The following DCDC2 variants were observed in gnomAD, a reference collection of about 807,000 sequenced individuals.
DCDC2 encodes the protein doublecortin domain containing 2, also known as doublecortin domain-containing protein 2.
A neutral mutation model predicts 50.2 loss-of-function variants in DCDC2; 40 were observed. That is an observed-to-expected ratio of 0.80 (90% CI 0.62 to 1.04). DCDC2 has a LOEUF of 1.04. DCDC2 is among the 50% of genes least tolerant of loss of function. The pLI, the probability that DCDC2 is intolerant of heterozygous loss-of-function variation, is 0.00. For missense variants in DCDC2, 570 were observed against 581.9 expected, an observed-to-expected ratio of 0.98 and a Z score of 0.21; for synonymous variants, 234 against 210.6, an observed-to-expected ratio of 1.11 and a Z score of -0.96.
intron 7 of DCDC2, among the ~76,000 whole-genome samples, chr6:24,257,684 G>A (rs959225250): frequency 8.2e-5 from 12 of 147,194 alleles, no homozygotes; most frequent in Non-Finnish European, 1.5e-4. Flanking sequence ...TGTGGAAGAC[G>A]CCTGAAGTTG....
chr6:24,359,430 TATATATACTATATAG>T (rs1760612083), upstream of DCDC2, among the ~76,000 whole-genome samples: 1 of 31,468 alleles, frequency 3.2e-5, no homozygotes, highest in South Asian at 8.8e-4. Context: ...TATATATATT[TATATATACTATATAG>T]TATATATATT....
At position 24,216,601 on chromosome 6, in the gene DCDC2, G is replaced by A. The variant is rs567753338; in HGVS notation, c.923-11499C>T. On this transcript the variant is annotated intron_variant, in intron 7 of 9. Coordinates refer to ENST00000378454, the MANE Select transcript of DCDC2 (RefSeq NM_016356.5). The stretch of plus-strand genomic sequence containing the variant: ...CATAGTCTTGTCAACCTAATTCAGA[G>A]GCCTGAGGCCATCAAGACAGTCAGG... Among the ~76,000 whole-genome samples the A allele has an allele frequency of 4.6e-5, 7 of 152,360 alleles. No individual in the cohort carries two copies. The East Asian group carries it at 7.7e-4, about 17-fold the overall frequency.
rs760375899 is a variant in DCDC2, at chr6:24,278,125, GTCT to G, written c.843_845del (p.Glu281del). ...ATTTCGTCAGTTTTTCTGAATTCAC[GTCT>G]TCTTTTTTCCCTTTCCTCTTCAGGG... On this transcript the variant is annotated inframe_deletion, in exon 7 of 10. Coordinates refer to ENST00000378454, the MANE Select transcript of DCDC2 (RefSeq NM_016356.5). 50 of 1,613,372 alleles carry G rather than the reference GTCT, an allele frequency of 3.1e-5. No individual in the cohort carries two copies. Among genetic ancestry groups the G allele is most frequent in the South Asian group, 2.3e-4 (21 of 91,010 alleles).
At chr6:24,260,482 C>T (rs1762985574) in intron 7 of DCDC2, among the ~76,000 whole-genome samples, 1 of 152,172 alleles carries the variant, frequency 6.6e-6, no homozygotes, top group African/African-American at 2.4e-5. Flanking sequence ...ATTATAACCT[C>T]AGGGTGAATG....
At chr6:24,337,211 AAAAT>A (rs1012574802) in intron 2 of DCDC2, among the ~76,000 whole-genome samples, 95 of 152,308 alleles carry the variant, frequency 6.2e-4, no homozygotes, top group Admixed American at 5.8e-3. Context: ...AAGTACAATA[AAAAT>A]AAATAAATAA....
At chr6:24,295,481 CA>C (rs1763841686) in intron 4 of DCDC2, among the ~76,000 whole-genome samples, 1 of 152,180 alleles carries the variant, frequency 6.6e-6, no homozygotes, top group Middle Eastern at 3.4e-3. Flanking sequence ...AGTCATCAGG[CA>C]AGACAAAGAA....
chr6:24,261,935 A>T (rs1763020505), intron 7 of DCDC2, among the ~76,000 whole-genome samples: 1 of 152,140 alleles, frequency 6.6e-6, no homozygotes, highest in Non-Finnish European at 1.5e-5. Flanking sequence ...GACCAAATAA[A>T]ACCCTCCAGC....
intron 7 of DCDC2, among the ~76,000 whole-genome samples, chr6:24,238,819 T>C (rs1762507222): frequency 6.6e-6 from 1 of 152,084 alleles, no homozygotes; most frequent in African/African-American, 2.4e-5. Context: ...GGGTGAAGAT[T>C]ACAGGGAATA....
At chr6:24,353,132 G>A (rs990146282) in intron 2 of DCDC2, 24 of 325,566 alleles carry the variant, frequency 7.4e-5, no homozygotes, top group Admixed American at 7.1e-4. Flanking sequence ...AGTGTCCAAC[G>A]TGACATCTAC....
intron 7 of DCDC2, among the ~76,000 whole-genome samples, chr6:24,274,643 G>C (rs1015701090): frequency 2.2e-4 from 26 of 118,932 alleles, no homozygotes; most frequent in Admixed American, 1.1e-3. Flanking sequence ...GAAAAGAAAA[G>C]AAAAAAGGAA....
chr6:24,358,067 A>T (rs746549747), upstream of DCDC2: 202 of 920,490 alleles, frequency 2.2e-4, no homozygotes, highest in Non-Finnish European at 3.1e-4. Context: ...TCTGAGCAGG[A>T]GCCGGAAACG....
chr6:24,257,984 T>G (rs1242321330), intron 7 of DCDC2, among the ~76,000 whole-genome samples: 1 of 151,964 alleles, frequency 6.6e-6, no homozygotes, highest in Non-Finnish European at 1.5e-5. Flanking sequence ...GACTCTAAAG[T>G]TAACTGGATT....
At chr6:24,373,815 A>G in the DCDC2 span, among the ~76,000 whole-genome samples, 1 of 152,212 alleles carries the variant, frequency 6.6e-6, no homozygotes, top group Non-Finnish European at 1.5e-5. Context: ...CAAAAAGAAG[A>G]TGAATAAGCT....
chr6:24,197,594 C>A (rs111611082), intron 8 of DCDC2, among the ~76,000 whole-genome samples: 1 of 152,142 alleles, frequency 6.6e-6, no homozygotes, highest in Non-Finnish European at 1.5e-5. Flanking sequence ...TATAGCTAAT[C>A]CTGGATAATA....
chr6:24,291,517 G>T (rs1174755680), intron 4 of DCDC2, among the ~76,000 whole-genome samples: 1 of 113,546 alleles, frequency 8.8e-6, no homozygotes, highest in Admixed American at 1.4e-4. Flanking sequence ...ACGGAGTCTC[G>T]CTCTGTCGCC....
intron 8 of DCDC2, among the ~76,000 whole-genome samples, chr6:24,192,752 T>C (rs1436484523): frequency 1.3e-5 from 2 of 151,568 alleles, no homozygotes; most frequent in African/African-American, 4.8e-5. Flanking sequence ...AGATGAAAAG[T>C]AGGAGAGACA....
intron 7 of DCDC2, among the ~76,000 whole-genome samples, chr6:24,214,505 C>G (rs1233846038): frequency 6.6e-6 from 1 of 152,100 alleles, no homozygotes; most frequent in Non-Finnish European, 1.5e-5. Context: ...ATTTCCTAAC[C>G]TATATAAATT....
At chr6:24,372,256 T>C in the DCDC2 span, among the ~76,000 whole-genome samples, 2 of 151,950 alleles carry the variant, frequency 1.3e-5, no homozygotes, top group Admixed American at 1.3e-4. Context: ...CCCTCTCTAC[T>C]AAAAACACAA....
chr6:24,357,368 G>A lies in DCDC2; in HGVS notation c.293+90C>T, dbSNP rs1216328593. 2.1e-6 allele frequency: 3 copies of A among 1,417,766 alleles called. No homozygotes were observed. In the Admixed American group the frequency reaches 7.0e-5, roughly 33 times the overall value. 87.8% of individuals were successfully genotyped at this position (1,417,766 alleles called of 1,614,324 possible). A position where few individuals can be genotyped will look rare whatever the true frequency, so the allele number is the denominator to read the frequency against. On this transcript the variant is annotated intron_variant, in intron 1 of 9. Transcript: ENST00000378454. ...GAAGTCACAGCCCCTCAACCACTGA[G>A]GTGTGGGGGGGTAGGGATCTGCATT...
Sources: gnomAD v4.1 joint callset for allele counts (sites outside exome capture counted in the v4.1 genomes callset) on GRCh38, gnomAD v4.1.1 for gene constraint, MANE v1.5 for transcripts, NCBI Gene and HGNC (gene_info 2026-07-23, HGNC 2026-07-21) for gene names.